The following GRM2 variants were observed in gnomAD, a reference collection of about 807,000 sequenced individuals.
GRM2 encodes glutamate metabotropic receptor 2.
Under a neutral mutation model 60.4 loss-of-function variants are expected in GRM2, and 35 were observed. The ratio of observed to expected loss-of-function variants is 0.58; its 90% CI spans 0.44 to 0.77. The LOEUF is 0.77. GRM2 is among the 30% of genes least tolerant of loss of function. The probability of loss-of-function intolerance (pLI) is 0.00; values close to 1 mark genes in which losing one functional copy is unlikely to be tolerated. For synonymous variants in GRM2, 437 were observed against 484.1 expected (o/e 0.90, Z 1.28); for missense variants, 925 against 1,199.5 (o/e 0.77, Z 3.38).
chr3:51,717,534 G>C lies in GRM2; in HGVS notation c.2365-103G>C. On this transcript the variant is annotated intron_variant, in intron 4 of 5. Transcript: ENST00000395052. This position sits in a 1 kb window ranked among gnomAD's most constrained non-coding sequence, Gnocchi z 6.0. ...GCAAATGGACCACAGCCCAGTGTTG[G>C]ATGCTTAGTCTCCCCCACTCCCTCC... The C allele has an allele frequency of 2.3e-6, 2 of 887,626 alleles. No individual in the cohort carries two copies. The highest frequency in any genetic ancestry group is 3.5e-6 in the Non-Finnish European group (2 of 565,474). 55.0% of individuals were successfully genotyped at this position (887,626 alleles called of 1,614,324 possible). A position where few individuals can be genotyped will look rare whatever the true frequency, so the allele number is the denominator to read the frequency against.
At chr3:51,707,560 A>G (rs1039399688) in intron 1 of GRM2, 1 of 152,854 alleles carries the variant, frequency 6.5e-6, no homozygotes, top group Non-Finnish European at 1.5e-5. Flanking sequence ...CCTCTGGGAG[A>G]CTTGCGACTT....
rs1343958363 is a variant in GRM2, at chr3:51,709,120, C to T, written c.137C>T (p.Pro46Leu). The change falls in exon 2 of 6, where the codon CCA becomes CTA. Residue 46 changes from proline (P) to leucine (L), a missense_variant. By Grantham distance (98) the Pro-to-Leu change is moderately conservative. Transcript: ENST00000395052. ...GLFPVHQKGG[P>L]AEDCGPVNEH... Reference sequence around the variant, plus strand: ...TTCCCAGTGCACCAGAAGGGCGGCCCAGCAGAGGACTGTGGTCCTGTCAAT... The same window carrying T: ...TTCCCAGTGCACCAGAAGGGCGGCCTAGCAGAGGACTGTGGTCCTGTCAAT... 2 of 1,612,168 alleles carry T rather than the reference C, an allele frequency of 1.2e-6. No individual in the cohort carries two copies. The highest frequency in any genetic ancestry group is 2.2e-5 in the South Asian group (2 of 91,080).
intron 2 of GRM2, among the ~76,000 whole-genome samples, chr3:51,710,134 C>T (rs545554948): frequency 5.3e-5 from 8 of 151,916 alleles, no homozygotes; most frequent in Non-Finnish European, 1.2e-4. Flanking sequence ...GGATTACAGG[C>T]GCCTGCCACC....
At chr3:51,709,909 TACTA>T (rs1703653573) in intron 2 of GRM2, among the ~76,000 whole-genome samples, 2 of 138,796 alleles carry the variant, frequency 1.4e-5, no homozygotes, top group Non-Finnish European at 3.1e-5. Flanking sequence ...GTCTCCCACT[TACTA>T]ACTGCATGAC....
In GRM2 at chr3:51,715,965, C is replaced by T. The variant is rs200057736; in HGVS notation, c.2192C>T (p.Ser731Leu). 18 of 1,614,036 alleles carry T rather than the reference C, an allele frequency of 1.1e-5. No individual in the cohort carries two copies. Among genetic ancestry groups the T allele is most frequent in the Non-Finnish European group, 1.5e-5 (18 of 1,180,048 alleles). Residue 731 changes from serine (S) to leucine (L), a missense_variant, in exon 4 of 6, where the codon TCG becomes TTG. Coordinates refer to ENST00000395052, the MANE Select transcript of GRM2 (RefSeq NM_000839.5). This position sits in a 1 kb window ranked among gnomAD's most constrained non-coding sequence, Gnocchi z 9.0. ...CNHRDASMLG[S>L]LAYNVLLIAL... Reference sequence around the variant, plus strand: ...CACCGCGATGCAAGTATGTTGGGCTCGCTGGCCTACAATGTGCTCCTCATC... The same window carrying T: ...CACCGCGATGCAAGTATGTTGGGCTTGCTGGCCTACAATGTGCTCCTCATC...
chr3:51,715,038 TCTTC>T lies in GRM2; in HGVS notation c.1289-18_1289-15del, dbSNP rs1169357609. 7 of 1,451,230 alleles carry T rather than the reference TCTTC, an allele frequency of 4.8e-6. No homozygotes were observed. Among genetic ancestry groups the T allele is most frequent in the Non-Finnish European group, 6.6e-6 (7 of 1,064,668 alleles). The allele number at this position is 1,451,230 out of a possible 1,614,324, so 89.9% of individuals were successfully genotyped here. A position where few individuals can be genotyped will look rare whatever the true frequency, so the allele number is the denominator to read the frequency against. ...AGGGTAACACACTAGTCCAACCTTC[TCTTC>T]CTTCCCTCCCCCATCCTAGCCCCCT... On this transcript the variant is annotated intron_variant, in intron 3 of 5. Transcript: ENST00000395052. This position sits in a 1 kb window ranked among gnomAD's most constrained non-coding sequence, Gnocchi z 9.0.
chr3:51,716,156 AG>A lies in GRM2; in HGVS notation c.2364+21del. Reference sequence around the variant, plus strand: ...CTACCGGGTGAGCTACCTGCCACAGAGGTCGGGGGAGATGGGACACCAGACC... The same window carrying A: ...CTACCGGGTGAGCTACCTGCCACAGAGTCGGGGGAGATGGGACACCAGACC... On this transcript the variant is annotated intron_variant, in intron 4 of 5. Coordinates refer to ENST00000395052, the MANE Select transcript of GRM2 (RefSeq NM_000839.5). The surrounding 1 kb of genome is among the most constrained non-coding windows in gnomAD (Gnocchi z 4.0). The A allele has an allele frequency of 6.6e-7, 1 of 1,514,178 alleles. No individual in the cohort carries two copies. The highest frequency in any genetic ancestry group is 9.2e-7 in the Non-Finnish European group (1 of 1,089,682). The allele number at this position is 1,514,178 out of a possible 1,614,324, so 93.8% of individuals were successfully genotyped here.
In GRM2 at chr3:51,713,874, A is replaced by C. The variant is rs540434372; in HGVS notation, c.1288+564A>C. 2.5e-6 allele frequency: 1 copy of C among 403,908 alleles called. No homozygotes were observed. The highest frequency in any genetic ancestry group is 7.6e-5 in the East Asian group (1 of 13,126). The allele number at this position is 403,908 out of a possible 1,614,324, so 25.0% of individuals were successfully genotyped here. A position where few individuals can be genotyped will look rare whatever the true frequency, so the allele number is the denominator to read the frequency against. On this transcript the variant is annotated intron_variant, in intron 3 of 5. Coordinates refer to ENST00000395052, the MANE Select transcript of GRM2 (RefSeq NM_000839.5). This position sits in a 1 kb window ranked among gnomAD's most constrained non-coding sequence, Gnocchi z 4.8. The stretch of plus-strand genomic sequence containing the variant: ...TGGGCTCAAGCGATCCTTCTGCCTC[A>C]GTCTCCAGAGTAGCTAGGATGACAG...
Position 51,713,288 on chromosome 3 carries a change from T to C in GRM2, c.1266T>C (p.Phe422=), listed in dbSNP as rs1559695062. 3.1e-6 allele frequency: 5 copies of C among 1,609,378 alleles called. No homozygotes were observed. Among genetic ancestry groups the C allele is most frequent in the African/African-American group, 1.3e-5 (1 of 74,998 alleles). ...PVNGRRLYKD[F]VLNVKFDAPF... ...ACGGGCGCCGCCTCTACAAGGACTT[T>C]GTGCTCAACGTCAAGTTTGATGGTA... Residue 422 remains phenylalanine (F), a synonymous_variant, in exon 3 of 6, where the codon TTT becomes TTC. Transcript: ENST00000395052. This position sits in a 1 kb window ranked among gnomAD's most constrained non-coding sequence, Gnocchi z 4.8.
chr3:51,712,351 A>G lies in GRM2; in HGVS notation c.451-122A>G. 1.4e-6 allele frequency: 1 copy of G among 702,350 alleles called. No individual in the cohort carries two copies. The highest frequency in any genetic ancestry group is 2.5e-6 in the Non-Finnish European group (1 of 396,654). The allele number at this position is 702,350 out of a possible 1,614,324, so 43.5% of individuals were successfully genotyped here. A position where few individuals can be genotyped will look rare whatever the true frequency, so the allele number is the denominator to read the frequency against. ...CAAGTCAGGATGCAGGGCTTTAGAG[A>G]GGGAGCCTTTAGGCCTGACCTTGTG... On this transcript the variant is annotated intron_variant, in intron 2 of 5. Transcript: ENST00000395052. The surrounding 1 kb of genome is among the most constrained non-coding windows in gnomAD (Gnocchi z 5.3).
chr3:51,716,028 G>A lies in GRM2; in HGVS notation c.2255G>A (p.Cys752Tyr). The A allele has an allele frequency of 6.2e-7, 1 of 1,614,198 alleles. No individual in the cohort carries two copies. The highest frequency in any genetic ancestry group is 8.5e-7 in the Non-Finnish European group (1 of 1,180,040). ...CTLYAFKTRK[C>Y]PENFNEAKFI... ...CTTTATGCCTTCAAGACTCGCAAGT[G>A]CCCCGAAAACTTCAACGAGGCCAAG... The change falls in exon 4 of 6, where the codon TGC (cysteine) becomes TAC (tyrosine). Residue 752 changes from cysteine to tyrosine, a missense_variant. Transcript: ENST00000395052. The surrounding 1 kb of genome is among the most constrained non-coding windows in gnomAD (Gnocchi z 4.0).
At position 51,709,010 on chromosome 3, in the gene GRM2, ACTG is replaced by A. The variant is rs1176506195; in HGVS notation, c.37_39del (p.Leu13del). 1.3e-6 allele frequency: 2 copies of A among 1,589,524 alleles called. No homozygotes were observed. The highest frequency in any genetic ancestry group is 8.6e-7 in the Non-Finnish European group (1 of 1,162,192). On this transcript the variant is annotated inframe_deletion, in exon 2 of 6. Transcript: ENST00000395052. ...TGGGATCGCTGCTTGCGCTCCTGGC[ACTG>A]CTGCTGCTGTGGGGTGCTGTGGCTG...
In GRM2 at chr3:51,715,268, C is replaced by T. The variant is rs146589478; in HGVS notation, c.1495C>T (p.Arg499Cys). Residue 499 changes from arginine to cysteine, a missense_variant, in exon 4 of 6, where the codon CGC (arginine) becomes TGC (cysteine). By Grantham distance (180) the Arg-to-Cys change is radical (BLOSUM62 -3). Coordinates refer to ENST00000395052, the MANE Select transcript of GRM2 (RefSeq NM_000839.5). This position sits in a 1 kb window ranked among gnomAD's most constrained non-coding sequence, Gnocchi z 9.0. ...SPSAGPLPAS[R>C]CSEPCLQNEV... Reference sequence around the variant, plus strand: ...CTCAGCCGGCCCCCTGCCCGCCTCTCGCTGCAGTGAGCCCTGCCTCCAGAA... The same window carrying T: ...CTCAGCCGGCCCCCTGCCCGCCTCTTGCTGCAGTGAGCCCTGCCTCCAGAA... 36 of 1,609,482 alleles carry T rather than the reference C, an allele frequency of 2.2e-5. No individual in the cohort carries two copies. Among genetic ancestry groups the T allele is most frequent in the African/African-American group, 9.3e-5 (7 of 75,024 alleles).
Position 51,708,976 on chromosome 3 carries a change from T to G in GRM2, c.-8T>G. The G allele has an allele frequency of 1.3e-6, 2 of 1,562,412 alleles. No individual in the cohort carries two copies. The highest frequency in any genetic ancestry group is 1.7e-6 in the Non-Finnish European group (2 of 1,149,158). The stretch of plus-strand genomic sequence containing the variant: ...GGTCTGCGGGACCCATCCATCCCCT[T>G]TGGGGCCATGGGATCGCTGCTTGCG... On this transcript the variant is annotated 5_prime_UTR_variant, in exon 2 of 6. Coordinates refer to ENST00000395052, the MANE Select transcript of GRM2 (RefSeq NM_000839.5).
At position 51,710,131 on chromosome 3, in the gene GRM2, A is replaced by G. The variant is rs1266256378; in HGVS notation, c.450+698A>G. Reference sequence around the variant, plus strand: ...CAGCCTCCCAAGTAGCTGGGATTACAGGCGCCTGCCACCATGCCCGGCTAA... The same window carrying G: ...CAGCCTCCCAAGTAGCTGGGATTACGGGCGCCTGCCACCATGCCCGGCTAA... On this transcript the variant is annotated intron_variant, in intron 2 of 5. Transcript: ENST00000395052. Among the ~76,000 whole-genome samples the G allele has an allele frequency of 2.6e-5, 4 of 151,962 alleles. No individual in the cohort carries two copies. The South Asian group carries it at 6.2e-4, about 24-fold the overall frequency.
rs367909421 is a variant in GRM2 at position 51,712,654 on chromosome 3, C to T, written c.632C>T (p.Ala211Val). 5 of 1,614,092 alleles carry T rather than the reference C, an allele frequency of 3.1e-6. No homozygotes were observed. The highest frequency in any genetic ancestry group is 1.6e-4 in the Middle Eastern group (1 of 6,062). The change falls in exon 3 of 6, where the codon GCG (alanine) becomes GTG (valine). Residue 211 changes from alanine (A) to valine (V), a missense_variant. Coordinates refer to ENST00000395052, the MANE Select transcript of GRM2 (RefSeq NM_000839.5). The surrounding 1 kb of genome is among the most constrained non-coding windows in gnomAD (Gnocchi z 5.3). The stretch of plus-strand genomic sequence containing the variant: ...AACTGGACCTATGTGTCCACTGTGG[C>T]GTCTGAGGGCGACTATGGCGAGACA... ...FFNWTYVSTV[A>V]SEGDYGETGI...
At chr3:51,710,116 A>G (rs1289241694) in intron 2 of GRM2, among the ~76,000 whole-genome samples, 3 of 151,548 alleles carry the variant, frequency 2.0e-5, no homozygotes, top group Non-Finnish European at 2.9e-5. Context: ...CAGCCTCCCA[A>G]GTAGCTGGGA....
At position 51,709,373 on chromosome 3, in the gene GRM2, T is replaced by A; in HGVS notation, c.390T>A (p.Gly130=). 6.3e-7 allele frequency: 1 copy of A among 1,584,972 alleles called. No individual in the cohort carries two copies. The highest frequency in any genetic ancestry group is 1.1e-5 in the South Asian group (1 of 90,196). ...ICPDGSYATH[G]DAPTAITGVI... Reference sequence around the variant, plus strand: ...CCGACGGCTCTTATGCGACCCATGGTGATGCTCCCACTGCCATCACTGGTG... The same window carrying A: ...CCGACGGCTCTTATGCGACCCATGGAGATGCTCCCACTGCCATCACTGGTG... The change falls in exon 2 of 6, where the codon GGT becomes GGA. Residue 130 remains glycine (G), a synonymous_variant. Transcript: ENST00000395052.
At position 51,715,670 on chromosome 3, in the gene GRM2, A is replaced by G; in HGVS notation, c.1897A>G (p.Thr633Ala). 6.2e-7 allele frequency: 1 copy of G among 1,614,204 alleles called. No homozygotes were observed. Among genetic ancestry groups the G allele is most frequent in the Non-Finnish European group, 8.5e-7 (1 of 1,180,040 alleles). Residue 633 changes from threonine to alanine, a missense_variant, in exon 4 of 6, where the codon ACC becomes GCC. By Grantham distance (58) the Thr-to-Ala change is moderately conservative (BLOSUM62 0). Coordinates refer to ENST00000395052, the MANE Select transcript of GRM2 (RefSeq NM_000839.5). This position sits in a 1 kb window ranked among gnomAD's most constrained non-coding sequence, Gnocchi z 9.0. ...FIAKPSTAVC[T>A]LRRLGLGTAF... The stretch of plus-strand genomic sequence containing the variant: ...TGCCAAGCCATCCACGGCAGTGTGT[A>G]CCTTACGGCGTCTTGGTTTGGGCAC...
Sources: gnomAD v4.1 joint callset for allele counts (sites outside exome capture counted in the v4.1 genomes callset) on GRCh38, gnomAD v4.1.1 for gene constraint, Gnocchi (gnomAD v3.1) non-coding constraint, MANE v1.5 for transcripts, NCBI Gene and HGNC (gene_info 2026-07-23, HGNC 2026-07-21) for gene names.